Variants in LRMDA observed in about 807,000 individuals in gnomAD.
LRMDA encodes leucine-rich melanocyte differentiation-associated protein.
In LRMDA, 18 loss-of-function variants were observed where a neutral mutation model predicts 29.8. The ratio of observed to expected loss-of-function variants is 0.60; its 90% CI spans 0.42 to 0.90. LRMDA has a LOEUF of 0.90. LRMDA is among the 40% of genes least tolerant of loss of function. The pLI, the probability that LRMDA is intolerant of heterozygous loss-of-function variation, is 0.00. For synonymous variants in LRMDA, 125 were observed against 109.4 expected, an observed-to-expected ratio of 1.14 and a Z score of -0.89; for missense variants, 273 against 273.9, an observed-to-expected ratio of 1.00 and a Z score of 0.02.
chr10:75,877,647 A>C (rs1362793271), intron 2 of LRMDA, among the ~76,000 whole-genome samples: 2 of 152,226 alleles, frequency 1.3e-5, no homozygotes, highest in Non-Finnish European at 2.9e-5. Context: ...ACTAGCTTAG[A>C]GGATAATAGG....
At chr10:76,349,576 A>G (rs952869024) in intron 6 of LRMDA, among the ~76,000 whole-genome samples, 1 of 152,150 alleles carries the variant, frequency 6.6e-6, no homozygotes, top group African/African-American at 2.4e-5. Flanking sequence ...AGTTTTTTCA[A>G]ACTATCCAAA....
intron 6 of LRMDA, among the ~76,000 whole-genome samples, chr10:76,427,586 G>A (rs1416657223): frequency 1.3e-5 from 2 of 152,054 alleles, no homozygotes; most frequent in East Asian, 1.9e-4. Context: ...CTAATTGAAT[G>A]CCCTTTATTT....
At chr10:75,902,652 C>T (rs1016779360) in intron 2 of LRMDA, among the ~76,000 whole-genome samples, 28 of 152,190 alleles carry the variant, frequency 1.8e-4, no homozygotes, top group African/African-American at 4.8e-4. Flanking sequence ...AGGGATCTCA[C>T]GGGCTTTTCA....
chr10:75,438,546 G>A lies in LRMDA; in HGVS notation c.131+52G>A, dbSNP rs1343950075. 5.9e-6 allele frequency: 8 copies of A among 1,356,060 alleles called. No homozygotes were observed. The East Asian group carries it at 1.3e-4, about 21-fold the overall frequency. The allele number at this position is 1,356,060 out of a possible 1,614,324, so 84.0% of individuals were successfully genotyped here. On this transcript the variant is annotated intron_variant, in intron 2 of 6. Transcript: ENST00000611255. ...CAGGCCTGGGAGGCCCAGTCCTCCT[G>A]GGTACTTTAGGGCCAAGCAGATAAA...
At chr10:75,972,391 C>G (rs948768725) in intron 2 of LRMDA, among the ~76,000 whole-genome samples, 3 of 151,852 alleles carry the variant, frequency 2.0e-5, no homozygotes. Context: ...AAACTTGTCC[C>G]CAAATCCTAT....
intron 2 of LRMDA, among the ~76,000 whole-genome samples, chr10:75,511,504 A>C (rs904345314): frequency 6.6e-6 from 1 of 152,076 alleles, no homozygotes; most frequent in Non-Finnish European, 1.5e-5. Context: ...CTGGGAGTGC[A>C]CCTGTGATGT....
chr10:75,791,682 C>A (rs528117242), intron 2 of LRMDA, among the ~76,000 whole-genome samples: 1 of 152,098 alleles, frequency 6.6e-6, no homozygotes, highest in Non-Finnish European at 1.5e-5. Flanking sequence ...TTCTAAGGAT[C>A]TTTCTAATAA....
In LRMDA at chr10:76,039,344, C is replaced by A. The variant is rs146928314; in HGVS notation, c.258+3210C>A. Among the ~76,000 whole-genome samples the A allele has an allele frequency of 3.1e-3, 469 of 152,334 alleles. 3 individuals are homozygous for A. The highest frequency in any genetic ancestry group is 4.9e-3 in the Non-Finnish European group (332 of 68,030). On this transcript the variant is annotated intron_variant, in intron 3 of 6. Coordinates refer to ENST00000611255, the MANE Select transcript of LRMDA (RefSeq NM_001305581.2). ...TATTGGCCTCCTAAAAAAGTATTAG[C>A]TCTTTTGTGTAAATTGAATCTTTAA...
intron 2 of LRMDA, among the ~76,000 whole-genome samples, chr10:75,565,810 C>T (rs1478402259): frequency 6.6e-6 from 1 of 152,222 alleles, no homozygotes; most frequent in Non-Finnish European, 1.5e-5. Context: ...CACAATGGCT[C>T]ATGCCTGTAA....
chr10:76,222,286 A>G (rs1383551133), intron 5 of LRMDA, among the ~76,000 whole-genome samples: 1 of 152,198 alleles, frequency 6.6e-6, no homozygotes, highest in Non-Finnish European at 1.5e-5. Context: ...AATTAAACTA[A>G]AGAGCTTCTG....
intron 6 of LRMDA, among the ~76,000 whole-genome samples, chr10:76,528,953 G>A (rs1181212333): frequency 2.0e-5 from 3 of 152,166 alleles, no homozygotes; most frequent in Non-Finnish European, 2.9e-5. Context: ...TAGGGGCTCT[G>A]TGTATAAGAT....
chr10:75,887,629 T>G (rs1845412845), intron 2 of LRMDA, among the ~76,000 whole-genome samples: 1 of 152,200 alleles, frequency 6.6e-6, no homozygotes, highest in Non-Finnish European at 1.5e-5. Context: ...GAGCTGCAAC[T>G]TCAGATTTGT....
At chr10:76,246,279 A>T (rs1852375176) in intron 5 of LRMDA, among the ~76,000 whole-genome samples, 1 of 152,198 alleles carries the variant, frequency 6.6e-6, no homozygotes, top group African/African-American at 2.4e-5. Context: ...AAGGGAGGAA[A>T]TGAAACTCAA....
intron 2 of LRMDA, among the ~76,000 whole-genome samples, chr10:76,018,693 G>T (rs1456527584): frequency 6.8e-6 from 1 of 147,350 alleles, no homozygotes; most frequent in Non-Finnish European, 1.5e-5. Context: ...TCAGCCTCCC[G>T]AGTTCCTGAG....
chr10:76,182,796 T>C (rs1851077984), intron 5 of LRMDA, among the ~76,000 whole-genome samples: 1 of 152,142 alleles, frequency 6.6e-6, no homozygotes, highest in South Asian at 2.1e-4. Flanking sequence ...AAGAGTTTGC[T>C]ACACACATTC....
At chr10:75,949,386 C>A (rs1358856911) in intron 2 of LRMDA, among the ~76,000 whole-genome samples, 1 of 152,190 alleles carries the variant, frequency 6.6e-6, no homozygotes, top group Non-Finnish European at 1.5e-5. Context: ...GCCTTGAGGG[C>A]TTCTCAGTAA....
At chr10:75,943,116 G>A (rs941451508) in intron 2 of LRMDA, among the ~76,000 whole-genome samples, 10 of 151,464 alleles carry the variant, frequency 6.6e-5, no homozygotes, top group African/African-American at 2.2e-4. Flanking sequence ...TGAAGTTAAA[G>A]GGTTCTAAAT....
intron 2 of LRMDA, among the ~76,000 whole-genome samples, chr10:76,007,499 CTTTG>C (rs1847693023): frequency 6.6e-6 from 1 of 152,188 alleles, no homozygotes; most frequent in African/African-American, 2.4e-5. Context: ...CCATGCTGGC[CTTTG>C]TTTGGATAAA....
At chr10:75,973,419 CTT>C (rs5786207) in intron 2 of LRMDA, among the ~76,000 whole-genome samples, 29 of 136,988 alleles carry the variant, frequency 2.1e-4, no homozygotes, top group Admixed American at 2.2e-4. Context: ...TGCCCTTGTC[CTT>C]TTTTTTTTTT....
Sources: gnomAD v4.1 joint callset for allele counts (sites outside exome capture counted in the v4.1 genomes callset) on GRCh38, gnomAD v4.1.1 for gene constraint, MANE v1.5 for transcripts, NCBI Gene and HGNC (gene_info 2026-07-23, HGNC 2026-07-21) for gene names.